TBK1: variants seen among roughly 807,000 people sequenced by gnomAD.
TBK1 encodes the protein TANK binding kinase 1.
In TBK1, 37 loss-of-function variants were observed where a neutral mutation model predicts 99.9. That is an observed-to-expected ratio of 0.37 (90% CI 0.28 to 0.49). The LOEUF is 0.49. Among genes scored for constraint, TBK1 ranks in the 20% least tolerant of loss-of-function variants. The pLI is 0.98. For missense variants in TBK1, 644 were observed against 872.5 expected (o/e 0.74, Z 3.30); for synonymous variants, 258 against 279.8 (o/e 0.92, Z 0.78).
chr12:64,499,030 T>A (rs1219869822), intron 20 of TBK1, among the ~76,000 whole-genome samples: 1 of 119,222 alleles, frequency 8.4e-6, no homozygotes, highest in Non-Finnish European at 1.7e-5. Flanking sequence ...GTTTTACTAA[T>A]TTTATTCTTT....
chr12:64,490,822 T>C (rs187736287), intron 13 of TBK1, among the ~76,000 whole-genome samples: 1 of 151,744 alleles, frequency 6.6e-6, no homozygotes, highest in Admixed American at 6.6e-5. Context: ...CTTGGGAGGC[T>C]GAGGCAGGAG....
At chr12:64,455,303 TG>T (rs1270484385) in intron 1 of TBK1, among the ~76,000 whole-genome samples, 1 of 152,172 alleles carries the variant, frequency 6.6e-6, no homozygotes, top group Admixed American at 6.5e-5. Context: ...AGATTTTTTT[TG>T]TCATATTATT....
chr12:64,474,512 A>T, intron 6 of TBK1, 122 bp downstream of exon 6: 1 of 978,312 alleles, frequency 1.0e-6, no homozygotes, highest in Non-Finnish European at 1.5e-6. Context: ...CTGATATTTT[A>T]AGCTACCTGG....
chr12:64,480,239 T>C, intron 7 of TBK1, 117 bp downstream of exon 7: 2 of 640,214 alleles, frequency 3.1e-6, no homozygotes, highest in Non-Finnish European at 5.2e-6. Flanking sequence ...TAATTAGATA[T>C]TGTCAAAGCA....
chr12:64,485,589 A>C (rs188139316), intron 10 of TBK1, 76 bp downstream of exon 10: 16 of 728,630 alleles, frequency 2.2e-5, no homozygotes, highest in Non-Finnish European at 3.3e-5. Context: ...AATAACATGT[A>C]TTGTGTCTTC....
chr12:64,459,557 G>T (rs1247789191), intron 2 of TBK1, among the ~76,000 whole-genome samples: 1 of 152,160 alleles, frequency 6.6e-6, no homozygotes, highest in African/African-American at 2.4e-5. Context: ...TGAAGGAACA[G>T]CCTGCCCTGG....
rs1158388924 is a variant in TBK1 at position 64,501,468 on chromosome 12, T to G, written c.*87T>G. ...AATGAATGCCTTTATAGATAGTCACTTGTTTCTACAATTCAGTATTTGATG... is the reference window on the plus strand; with the variant it reads ...AATGAATGCCTTTATAGATAGTCACGTGTTTCTACAATTCAGTATTTGATG... On this transcript the variant is annotated 3_prime_UTR_variant, in exon 21 of 21. Transcript: ENST00000331710. The G allele has an allele frequency of 1.6e-6, 2 of 1,281,024 alleles. No individual in the cohort carries two copies. The highest frequency in any genetic ancestry group is 3.0e-5 in the African/African-American group (2 of 67,150). The allele number at this position is 1,281,024 out of a possible 1,614,324, so 79.4% of individuals were successfully genotyped here. A position where few individuals can be genotyped will look rare whatever the true frequency, so the allele number is the denominator to read the frequency against.
intron 3 of TBK1, 147 bp downstream of exon 3, chr12:64,460,476 T>C: frequency 3.9e-6 from 2 of 514,744 alleles, no homozygotes; most frequent in Non-Finnish European, 6.4e-6. Context: ...CTTGAATATA[T>C]AGAACAATAG....
At chr12:64,497,326 G>T in intron 18 of TBK1, 67 bp downstream of exon 18, 1 of 1,171,608 alleles carries the variant, frequency 8.5e-7, no homozygotes. Flanking sequence ...ATTGACAAGG[G>T]AGAAATGGGA....
chr12:64,491,547 G>A (rs753171125), intron 13 of TBK1, among the ~76,000 whole-genome samples: 8 of 152,078 alleles, frequency 5.3e-5, no homozygotes, highest in Admixed American at 2.0e-4. Context: ...CACTTGAACC[G>A]AGGAGGCGAA....
chr12:64,464,787 C>T lies in TBK1; in HGVS notation c.358+324C>T, dbSNP rs557282610. On this transcript the variant is annotated intron_variant, in intron 4 of 20. Coordinates refer to ENST00000331710, the MANE Select transcript of TBK1 (RefSeq NM_013254.4). ...CCAATTTAAAAATGGGCAAAGGATTCGCATAGACATTTCTCCAAAGAAGAT... is the reference window on the plus strand; with the variant it reads ...CCAATTTAAAAATGGGCAAAGGATTTGCATAGACATTTCTCCAAAGAAGAT... Among the ~76,000 whole-genome samples the T allele has an allele frequency of 4.6e-5, 7 of 152,110 alleles. No individual in the cohort carries two copies. The South Asian group carries it at 6.2e-4, about 14-fold the overall frequency.
chr12:64,497,220 TGAA>T lies in TBK1; in HGVS notation c.1928_1930del (p.Glu643del), dbSNP rs1402092579. Reference sequence around the variant, plus strand: ...CGCTGACTAATCAGTGTTTTGATATTGAAGAAGAAGTATCAAAATATCAAGAAT... The same window carrying T: ...CGCTGACTAATCAGTGTTTTGATATTGAAGAAGTATCAAAATATCAAGAAT... On this transcript the variant is annotated inframe_deletion, in exon 18 of 21. Coordinates refer to ENST00000331710, the MANE Select transcript of TBK1 (RefSeq NM_013254.4). 9.4e-6 allele frequency: 15 copies of T among 1,597,390 alleles called. No homozygotes were observed. Among genetic ancestry groups the T allele is most frequent in the African/African-American group, 1.3e-5 (1 of 74,494 alleles).
At position 64,494,312 on chromosome 12, in the gene TBK1, A is replaced by G. The variant is rs549144193; in HGVS notation, c.1522-1171A>G. On this transcript the variant is annotated intron_variant, in intron 13 of 20. Coordinates refer to ENST00000331710, the MANE Select transcript of TBK1 (RefSeq NM_013254.4). The stretch of plus-strand genomic sequence containing the variant: ...ACCCCAACTCTACCAAAAAAAAAAA[A>G]AGAAAAAAAAGAAAAAATTAGCAAG... Among the ~76,000 whole-genome samples the G allele has an allele frequency of 2.4e-3, 345 of 145,142 alleles. 1 individual carries two copies. The highest frequency in any genetic ancestry group is 3.1e-3 in the Admixed American group (44 of 14,402).
intron 20 of TBK1, among the ~76,000 whole-genome samples, chr12:64,499,034 A>ATT (rs1353026209): frequency 5.0e-5 from 3 of 60,512 alleles, no homozygotes. Flanking sequence ...TACTAATTTT[A>ATT]TTCTTTTTTT....
intron 18 of TBK1, 22 bp from the exon 19 acceptor site, chr12:64,497,626 T>TC (rs758205067): frequency 5.2e-5 from 74 of 1,427,162 alleles, no homozygotes; most frequent in Admixed American, 1.3e-4. Flanking sequence ...TTTTTCTTTT[T>TC]TTTTTTTTTT....
chr12:64,461,349 T>C (rs896801815), intron 3 of TBK1, among the ~76,000 whole-genome samples: 1 of 152,210 alleles, frequency 6.6e-6, no homozygotes, highest in South Asian at 2.1e-4. Context: ...TTAGGAAAAG[T>C]AATCTAGAAA....
At chr12:64,488,392 AAATGTTTTTGAACT>A in intron 11 of TBK1, 81 bp from the exon 12 acceptor site, 2 of 610,094 alleles carry the variant, frequency 3.3e-6, no homozygotes, top group South Asian at 5.1e-5. Context: ...TATTGTTATA[AAATGTTTTTGAACT>A]GTAGTACTGC....
chr12:64,501,224 A>T, intron 20 of TBK1, 106 bp from the exon 21 acceptor site: 1 of 1,053,408 alleles, frequency 9.5e-7, no homozygotes, highest in Non-Finnish European at 1.4e-6. Context: ...AACTCTTTAA[A>T]AATAAATAGC....
Position 64,474,358 on chromosome 12 carries a change from C to G in TBK1, c.669C>G (p.Pro223=). The change falls in exon 6 of 21, where the codon CCC becomes CCG. Residue 223 remains proline (P), a synonymous_variant. Transcript: ENST00000331710. ...HAATGSLPFR[P]FEGPRRNKEV... is the part of the protein sequence containing the mutation. ...CTACTGGATCACTGCCATTTAGACC[C>G]TTTGAAGGGCCTCGTAGGAATAAAG... The G allele has an allele frequency of 6.2e-7, 1 of 1,613,670 alleles. No individual in the cohort carries two copies.
Sources: allele counts gnomAD v4.1 joint callset (sites outside exome capture counted in the v4.1 genomes callset), GRCh38; gene constraint gnomAD v4.1.1; transcripts MANE v1.5; gene names NCBI Gene and HGNC (gene_info 2026-07-23, HGNC 2026-07-21).